The following RHPN2 variants were observed in gnomAD, a reference collection of about 807,000 sequenced individuals.
RHPN2 encodes the protein rhophilin Rho GTPase binding protein 2, also known as rhophilin-2.
A neutral mutation model predicts 79.0 loss-of-function variants in RHPN2; 40 were observed. The ratio of observed to expected loss-of-function variants is 0.51; its 90% CI spans 0.39 to 0.66. RHPN2 has a LOEUF of 0.66. Among genes scored for constraint, RHPN2 ranks in the 30% least tolerant of loss-of-function variants. RHPN2 has a pLI of 0.00. For synonymous variants in RHPN2, 285 were observed against 363.5 expected (o/e 0.78, Z 2.46); for missense variants, 686 against 883.5 (o/e 0.78, Z 2.83).
intron 2 of RHPN2, among the ~76,000 whole-genome samples, chr19:33,036,669 C>G (rs952328021): frequency 6.6e-6 from 1 of 152,180 alleles, no homozygotes; most frequent in African/African-American, 2.4e-5. Context: ...CAGGGCTGCC[C>G]GCGGTGCTTG....
chr19:33,064,452 G>A (rs1972309022), intron 1 of RHPN2, among the ~76,000 whole-genome samples: 1 of 142,154 alleles, frequency 7.0e-6, no homozygotes, highest in Non-Finnish European at 1.6e-5. Context: ...CTTTCCCCAG[G>A]CACCAGGGAT....
chr19:33,039,243 T>C (rs910672529), intron 2 of RHPN2, among the ~76,000 whole-genome samples: 7 of 151,968 alleles, frequency 4.6e-5, no homozygotes, highest in African/African-American at 1.5e-4. Flanking sequence ...GGACATCTGC[T>C]CCCAGCCTGT....
chr19:33,005,299 G>C (rs1437270129), intron 7 of RHPN2, among the ~76,000 whole-genome samples: 5 of 150,446 alleles, frequency 3.3e-5, no homozygotes, highest in African/African-American at 1.2e-4. Flanking sequence ...TATAATCCCA[G>C]CTACTCCGGA....
chr19:33,058,021 A>G (rs1378087302), intron 1 of RHPN2, among the ~76,000 whole-genome samples: 1 of 152,142 alleles, frequency 6.6e-6, no homozygotes, highest in Non-Finnish European at 1.5e-5. Context: ...TTAGCTGGGC[A>G]TGGTGGCGGG....
intron 1 of RHPN2, among the ~76,000 whole-genome samples, chr19:33,061,690 G>C (rs1203293664): frequency 6.6e-6 from 1 of 152,062 alleles, no homozygotes; most frequent in Non-Finnish European, 1.5e-5. Flanking sequence ...CACCATGTAG[G>C]CCAGGCTGGT....
intron 14 of RHPN2, among the ~76,000 whole-genome samples, chr19:32,984,914 C>G (rs1374486892): frequency 2.0e-5 from 3 of 152,042 alleles, no homozygotes; most frequent in Non-Finnish European, 4.4e-5. Context: ...TTGGGACCAG[C>G]CTGGGCAACA....
chr19:33,062,190 G>A (rs924840846), intron 1 of RHPN2, among the ~76,000 whole-genome samples: 1 of 152,122 alleles, frequency 6.6e-6, no homozygotes, highest in Non-Finnish European at 1.5e-5. Flanking sequence ...CAACACCAGA[G>A]AAACTGCATC....
At chr19:33,038,680 C>A (rs143322523) in intron 2 of RHPN2, among the ~76,000 whole-genome samples, 4,389 of 151,988 alleles carry the variant, frequency 0.029, 107 homozygotes, top group Non-Finnish European at 0.042. Context: ...TGTTAAGAGA[C>A]AGGGTCTCAC....
intron 1 of RHPN2, among the ~76,000 whole-genome samples, chr19:33,053,496 T>C (rs902049016): frequency 6.6e-5 from 10 of 150,662 alleles, no homozygotes; most frequent in African/African-American, 2.0e-4. Flanking sequence ...CGATCTTGGC[T>C]CACTACAACC....
At chr19:32,997,141 TGCC>T (rs1971709001) in intron 10 of RHPN2, among the ~76,000 whole-genome samples, 1 of 151,874 alleles carries the variant, frequency 6.6e-6, no homozygotes, top group Non-Finnish European at 1.5e-5. Context: ...TCAAGCAATC[TGCC>T]TGCCTTAGCC....
At chr19:33,059,515 C>G (rs979565774) in intron 1 of RHPN2, among the ~76,000 whole-genome samples, 3 of 151,742 alleles carry the variant, frequency 2.0e-5, no homozygotes, top group African/African-American at 7.3e-5. Flanking sequence ...GGCCAGGCTG[C>G]TCTCAAACTT....
At chr19:33,038,753 G>A (rs1036031546) in intron 2 of RHPN2, among the ~76,000 whole-genome samples, 8 of 152,160 alleles carry the variant, frequency 5.3e-5, no homozygotes, top group African/African-American at 1.2e-4. Context: ...GAACTCCTGG[G>A]CTCAGGGGAT....
At chr19:33,059,692 C>T (rs184389278) in intron 1 of RHPN2, among the ~76,000 whole-genome samples, 1 of 152,214 alleles carries the variant, frequency 6.6e-6, no homozygotes, top group Non-Finnish European at 1.5e-5. Flanking sequence ...GCAATATCTT[C>T]CCTGCCCTTC....
intron 14 of RHPN2, 151 bp downstream of exon 14, chr19:32,990,363 C>T (rs1466001985): frequency 2.1e-5 from 17 of 828,800 alleles, no homozygotes; most frequent in Non-Finnish European, 2.4e-5. Flanking sequence ...AAGGTGAGCA[C>T]ATTACAGTGA....
In RHPN2 at chr19:33,026,628, C is replaced by G; in HGVS notation, c.190G>C (p.Ala64Pro). Residue 64 changes from alanine to proline, a missense_variant, in exon 3 of 15, where the codon GCC becomes CCC. Coordinates refer to ENST00000254260, the MANE Select transcript of RHPN2 (RefSeq NM_033103.5). ...TGCTCCCGCACCTTTGAGTTTGTGG[C>G]CACTCTGTTCAAAGAGAAGAGGGAG... Reference protein sequence around the residue: ...RTGAENLLKVATNSKVREQVR... With the variant: ...RTGAENLLKVPTNSKVREQVR... 6.2e-7 allele frequency: 1 copy of G among 1,606,168 alleles called. No individual in the cohort carries two copies. Among genetic ancestry groups the G allele is most frequent in the Non-Finnish European group, 8.5e-7 (1 of 1,178,932 alleles).
intron 7 of RHPN2, among the ~76,000 whole-genome samples, chr19:33,005,623 A>AAAAAAG (rs1555711351): frequency 7.0e-6 from 1 of 143,006 alleles, no homozygotes; most frequent in Admixed American, 7.1e-5. Context: ...AAAAAAAAAA[A>AAAAAAG]AAGCCCTGCC....
chr19:33,031,864 C>T (rs960223933), intron 2 of RHPN2, among the ~76,000 whole-genome samples: 4 of 151,032 alleles, frequency 2.6e-5, no homozygotes, highest in Admixed American at 6.6e-5. Flanking sequence ...GGACTACAGG[C>T]GCCCGCCACC....
chr19:32,998,425 T>C (rs957579810), intron 10 of RHPN2, among the ~76,000 whole-genome samples: 6 of 152,076 alleles, frequency 3.9e-5, no homozygotes, highest in African/African-American at 1.2e-4. Context: ...GGAGGATCGC[T>C]GGAGGCCAGG....
intron 2 of RHPN2, among the ~76,000 whole-genome samples, chr19:33,037,243 A>C (rs1439578446): frequency 6.6e-6 from 1 of 152,132 alleles, no homozygotes; most frequent in African/African-American, 2.4e-5. Flanking sequence ...GGTGACTTGG[A>C]GAACCTTTGT....
Sources: allele counts gnomAD v4.1 joint callset (sites outside exome capture counted in the v4.1 genomes callset), GRCh38; gene constraint gnomAD v4.1.1; transcripts MANE v1.5; gene names NCBI Gene and HGNC (gene_info 2026-07-23, HGNC 2026-07-21).